Variants in NOC3L observed in about 807,000 individuals in gnomAD.
NOC3L encodes NOC3 like DNA replication regulator.
A neutral mutation model predicts 102.5 loss-of-function variants in NOC3L; 85 were observed. The ratio of observed to expected loss-of-function variants is 0.83; its 90% confidence interval spans 0.70 to 0.99. The LOEUF (loss-of-function observed/expected upper bound fraction) is 0.99, where lower values mean the gene tolerates loss of function less well. NOC3L is among the 50% of genes least tolerant of loss of function. The pLI, the probability that NOC3L is intolerant of heterozygous loss-of-function variation, is 0.00. For synonymous variants in NOC3L, 303 were observed against 309.4 expected, an observed-to-expected ratio of 0.98 and a Z score of 0.22; for missense variants, 878 against 914.9, an observed-to-expected ratio of 0.96 and a Z score of 0.52.
chr10:94,352,221 C>G, intron 8 of NOC3L, 89 bp downstream of exon 8: 1 of 832,406 alleles, frequency 1.2e-6, no homozygotes, highest in Middle Eastern at 2.3e-4. Context: ...ATACCTGCCT[C>G]TCACTACACA....
At chr10:94,337,914 G>C in intron 18 of NOC3L, 40 bp from the exon 19 acceptor site, 1 of 1,443,810 alleles carries the variant, frequency 6.9e-7, no homozygotes, top group Non-Finnish European at 9.6e-7. Context: ...GCACAGGTCA[G>C]TCCTTTACAA....
In NOC3L at chr10:94,350,254, T is replaced by C. The variant is rs767747897; in HGVS notation, c.987A>G (p.Val329=). The C allele has an allele frequency of 6.2e-7, 1 of 1,614,170 alleles. No individual in the cohort carries two copies. The highest frequency in any genetic ancestry group is 8.5e-7 in the Non-Finnish European group (1 of 1,180,016). ...WKQRKLKKSN[V]VSLKAYKGLA... is the part of the protein sequence containing the mutation. ...GTCCTTTGTATGCCTTTAAGGAAAC[T>C]ACATTACTTTTCTTCAGCTTCCTCT... The change falls in exon 9 of 21, where the codon GTA becomes GTG. Residue 329 remains valine, a synonymous_variant. Transcript: ENST00000371361.
intron 11 of NOC3L, among the ~76,000 whole-genome samples, 182 bp from the exon 12 acceptor site, chr10:94,345,115 G>A (rs1375993156): frequency 1.3e-5 from 2 of 152,092 alleles, no homozygotes; most frequent in Non-Finnish European, 2.9e-5. Flanking sequence ...TAAAGATGGT[G>A]TCTCCTGGGA....
chr10:94,316,554 C>T, the NOC3L span: 13 of 1,604,212 alleles, frequency 8.1e-6, no homozygotes, highest in Non-Finnish European at 1.1e-5. Flanking sequence ...TAGATTCTGA[C>T]AAATGAACAA....
chr10:94,346,179 G>A (rs2054340949), intron 11 of NOC3L, among the ~76,000 whole-genome samples: 1 of 152,098 alleles, frequency 6.6e-6, no homozygotes, highest in African/African-American at 2.4e-5. Flanking sequence ...AAAAGCCAAA[G>A]GATAAAAGCC....
chr10:94,348,072 A>G (rs937768798), intron 10 of NOC3L, among the ~76,000 whole-genome samples: 6 of 150,636 alleles, frequency 4.0e-5, no homozygotes, highest in Non-Finnish European at 7.4e-5. Context: ...ATATCAGCAG[A>G]AAAAAAATGG....
chr10:94,348,465 A>G (rs1362044033), intron 10 of NOC3L, among the ~76,000 whole-genome samples: 1 of 152,036 alleles, frequency 6.6e-6, no homozygotes, highest in East Asian at 1.9e-4. Context: ...TTTTGTTACT[A>G]TTTTATTCCC....
chr10:94,324,274 A>T, the NOC3L span: 1 of 1,211,594 alleles, frequency 8.3e-7, no homozygotes. Flanking sequence ...TTTCCACCTT[A>T]AAGTTTCATA....
chr10:94,336,976 G>A (rs571147897), intron 19 of NOC3L, among the ~76,000 whole-genome samples: 12 of 151,680 alleles, frequency 7.9e-5, no homozygotes, highest in African/African-American at 2.9e-4. Flanking sequence ...AGCTGAGGCA[G>A]GAGAATCGCT....
intron 19 of NOC3L, among the ~76,000 whole-genome samples, chr10:94,336,432 C>G (rs1016854009): frequency 3.9e-5 from 6 of 151,912 alleles, no homozygotes; most frequent in African/African-American, 1.5e-4. Flanking sequence ...ACTGCAATCT[C>G]CGCCTCCCGG....
the NOC3L span, among the ~76,000 whole-genome samples, chr10:94,322,728 T>C: frequency 6.6e-6 from 1 of 150,980 alleles, no homozygotes. Context: ...GAGGTTGCAG[T>C]GAGCCGAGAT....
chr10:94,316,520 C>G, the NOC3L span: 2 of 1,496,394 alleles, frequency 1.3e-6, no homozygotes, highest in Non-Finnish European at 1.9e-6. Flanking sequence ...TGCCTCACTC[C>G]TCAGTTTGCC....
the NOC3L span, chr10:94,327,851 TC>T: frequency 3.4e-5 from 12 of 348,056 alleles, no homozygotes; most frequent in African/African-American, 1.9e-4. Context: ...AACAGTCTCT[TC>T]CCCAAACCTA....
chr10:94,324,655 A>T, the NOC3L span: 1 of 1,176,954 alleles, frequency 8.5e-7, no homozygotes, highest in Non-Finnish European at 1.3e-6. Flanking sequence ...GGTGAAATTT[A>T]GGAGAAAGTT....
At chr10:94,352,789 T>C in intron 7 of NOC3L, 107 bp downstream of exon 7, 1 of 945,700 alleles carries the variant, frequency 1.1e-6, no homozygotes. Flanking sequence ...GCCACTGCAC[T>C]CTAGTCTGGG....
At chr10:94,335,201 T>TTAGTTCACA (rs1589562753) in intron 19 of NOC3L, among the ~76,000 whole-genome samples, 1 of 152,162 alleles carries the variant, frequency 6.6e-6, no homozygotes, top group African/African-American at 2.4e-5. Flanking sequence ...TGATTTGGAA[T>TTAGTTCACA]TAGTTCACAC....
At chr10:94,318,756 C>G in the NOC3L span, among the ~76,000 whole-genome samples, 3 of 152,266 alleles carry the variant, frequency 2.0e-5, no homozygotes, top group East Asian at 5.8e-4. Flanking sequence ...CACCCAAATG[C>G]AATTTAAATG....
intron 19 of NOC3L, among the ~76,000 whole-genome samples, chr10:94,336,353 T>TG (rs1291798093): frequency 2.0e-5 from 3 of 149,430 alleles, no homozygotes; most frequent in Non-Finnish European, 4.4e-5. Context: ...AATAAATTTC[T>TG]GTTTTTTTTT....
At chr10:94,342,557 C>CAT (rs760884826) in intron 13 of NOC3L, among the ~76,000 whole-genome samples, 1 of 30,734 alleles carries the variant, frequency 3.3e-5, no homozygotes, top group East Asian at 5.0e-4. Context: ...TGAAGATACA[C>CAT]ACACACACAC....
Sources: allele counts gnomAD v4.1 joint callset (sites outside exome capture counted in the v4.1 genomes callset), GRCh38; gene constraint gnomAD v4.1.1; transcripts MANE v1.5; gene names NCBI Gene and HGNC (gene_info 2026-07-23, HGNC 2026-07-21).